KASH5: variants seen among roughly 807,000 people sequenced by gnomAD.
KASH5 encodes the protein protein KASH5.
A neutral mutation model predicts 84.2 loss-of-function variants in KASH5; 72 were observed. That is an observed-to-expected ratio of 0.85 (90% CI 0.71 to 1.04). The LOEUF (loss-of-function observed/expected upper bound fraction) is 1.04, where lower values mean the gene tolerates loss of function less well. KASH5 is among the 50% of genes least tolerant of loss of function. The pLI, the probability that KASH5 is intolerant of heterozygous loss-of-function variation, is 0.00. For synonymous variants in KASH5, 260 were observed against 279.1 expected (o/e 0.93, Z 0.68); for missense variants, 650 against 701.0 (o/e 0.93, Z 0.82).
Position 49,407,551 on chromosome 19 carries a change from C to A in KASH5, c.934-61C>A, listed in dbSNP as rs534983676. On this transcript the variant is annotated intron_variant, in intron 11 of 19. Coordinates refer to ENST00000447857, the MANE Select transcript of KASH5 (RefSeq NM_144688.5). ...ACCCCCCAGCCAGTCCCCCCGCCACCACCACCCCCAGTGTCTTTGGGGAAC... is the reference window on the plus strand; with the variant it reads ...ACCCCCCAGCCAGTCCCCCCGCCACAACCACCCCCAGTGTCTTTGGGGAAC... The A allele has an allele frequency of 3.0e-5, 46 of 1,524,180 alleles. 1 individual carries two copies. The African/African-American group carries it at 4.3e-4, about 14-fold the overall frequency. 94.4% of individuals were successfully genotyped at this position (1,524,180 alleles called of 1,614,324 possible).
Position 49,412,951 on chromosome 19 carries a change from C to T in KASH5, c.1270-17C>T. 2 of 1,613,480 alleles carry T rather than the reference C, an allele frequency of 1.2e-6. No homozygotes were observed. Among genetic ancestry groups the T allele is most frequent in the Non-Finnish European group, 1.7e-6 (2 of 1,179,612 alleles). The stretch of plus-strand genomic sequence containing the variant: ...GTGAGAAGAATCAGAGAAGAACTAA[C>T]CTTTTTGTTTCCACAGAGAAACTTC... On this transcript the variant is annotated splice_polypyrimidine_tract_variant and intron_variant, in intron 15 of 19. Transcript: ENST00000447857. This position sits in a 1 kb window ranked among gnomAD's most constrained non-coding sequence, Gnocchi z 4.6.
Position 49,398,154 on chromosome 19 carries a change from T to G in KASH5, c.629+11T>G. 1 of 1,559,744 alleles carries G rather than the reference T, an allele frequency of 6.4e-7. No individual in the cohort carries two copies. ...TAAGCAGCTTCACAGGTGGGCTGGA[T>G]GCCACACCCACCCTCCCCAGCGCCC... On this transcript the variant is annotated intron_variant, in intron 7 of 19. Transcript: ENST00000447857.
intron 15 of KASH5, 149 bp downstream of exon 15, chr19:49,410,024 C>T (rs569476343): frequency 9.6e-7 from 1 of 1,040,480 alleles, no homozygotes; most frequent in African/African-American, 1.6e-5. Flanking sequence ...TGCTGGACAC[C>T]CAGCCACAAG....
intron 16 of KASH5, 115 bp downstream of exon 16, chr19:49,413,141 C>T (rs1974779018): frequency 9.5e-7 from 1 of 1,050,540 alleles, no homozygotes; most frequent in Admixed American, 2.1e-5. Context: ...ACTCCTTCTT[C>T]ATGTCTTCCG....
chr19:49,397,625 A>G lies in KASH5; in HGVS notation c.401-26A>G, dbSNP rs185923177. 1,381 of 1,612,768 alleles carry G rather than the reference A, an allele frequency of 8.6e-4. 20 individuals are homozygous for G. The highest frequency in any genetic ancestry group is 6.0e-4 in the Admixed American group (36 of 59,998). The stretch of plus-strand genomic sequence containing the variant: ...ACGTTTAAGGGTTCCAGGGAAGCCA[A>G]CATTCTCTTGGCTCTCTCCCTCCAG... On this transcript the variant is annotated intron_variant, in intron 5 of 19. Transcript: ENST00000447857.
At position 49,409,741 on chromosome 19, in the gene KASH5, C is replaced by A. The variant is rs371239256; in HGVS notation, c.1147-12C>A. 1 of 1,613,866 alleles carries A rather than the reference C, an allele frequency of 6.2e-7. No homozygotes were observed. The highest frequency in any genetic ancestry group is 1.1e-5 in the South Asian group (1 of 91,080). ...TGGCTCTCCCTGACCTCGGAAACAACTTCTGTCCCAGAAACAGGAAGTGGC... is the reference window on the plus strand; with the variant it reads ...TGGCTCTCCCTGACCTCGGAAACAAATTCTGTCCCAGAAACAGGAAGTGGC... On this transcript the variant is annotated splice_polypyrimidine_tract_variant and intron_variant, in intron 14 of 19. Transcript: ENST00000447857.
At chr19:49,392,180 AG>A in intron 2 of KASH5, among the ~76,000 whole-genome samples, 3 of 152,290 alleles carry the variant, frequency 2.0e-5, no homozygotes, top group Admixed American at 2.0e-4. Flanking sequence ...AGGAAGGCAA[AG>A]GGAAAAAGAA....
At chr19:49,405,026 C>T (rs1174302582) in intron 9 of KASH5, among the ~76,000 whole-genome samples, 1 of 152,080 alleles carries the variant, frequency 6.6e-6, no homozygotes, top group African/African-American at 2.4e-5. Context: ...CTGAAGAGTA[C>T]CAGGGTCGGG....
At chr19:49,409,103 C>T in intron 13 of KASH5, 72 bp downstream of exon 13, 3 of 1,583,454 alleles carry the variant, frequency 1.9e-6, no homozygotes, top group Non-Finnish European at 2.6e-6. Flanking sequence ...GGCCTCCAGC[C>T]CCAAGGTGGG....
intron 11 of KASH5, 26 bp downstream of exon 11, chr19:49,407,322 A>C (rs1382650928): frequency 6.2e-7 from 1 of 1,611,712 alleles, no homozygotes; most frequent in Non-Finnish European, 8.5e-7. Flanking sequence ...AGGGAAAGAG[A>C]TTCGCTTTCC....
Position 49,416,897 on chromosome 19 carries a change from C to G in KASH5, c.1375-118C>G. The G allele has an allele frequency of 9.9e-7, 1 of 1,010,530 alleles. No individual in the cohort carries two copies. 62.6% of individuals were successfully genotyped at this position (1,010,530 alleles called of 1,614,324 possible). On this transcript the variant is annotated intron_variant, in intron 17 of 19. Coordinates refer to ENST00000447857, the MANE Select transcript of KASH5 (RefSeq NM_144688.5). The surrounding 1 kb of genome is among the most constrained non-coding windows in gnomAD (Gnocchi z 5.4). ...AACCCGACCTGGCAGCAGAAGTGCA[C>G]TCACTTATCTCCTGAGCTCCACCAC...
At position 49,399,335 on chromosome 19, in the gene KASH5, C is replaced by T; in HGVS notation, c.748-122C>T. ...TCATGACAAAGGAGACAGCAGGAGCCATCAGGGCTTCCCAGACCCATTCCC... is the reference window on the plus strand; with the variant it reads ...TCATGACAAAGGAGACAGCAGGAGCTATCAGGGCTTCCCAGACCCATTCCC... On this transcript the variant is annotated intron_variant, in intron 8 of 19. Coordinates refer to ENST00000447857, the MANE Select transcript of KASH5 (RefSeq NM_144688.5). The surrounding 1 kb of genome is among the most constrained non-coding windows in gnomAD (Gnocchi z 4.4). 1.9e-6 allele frequency: 2 copies of T among 1,047,622 alleles called. No homozygotes were observed. Among genetic ancestry groups the T allele is most frequent in the South Asian group, 3.0e-5 (2 of 66,872 alleles). 64.9% of individuals were successfully genotyped at this position (1,047,622 alleles called of 1,614,324 possible).
At chr19:49,402,086 A>T (rs140286835) in intron 9 of KASH5, among the ~76,000 whole-genome samples, 60 of 151,912 alleles carry the variant, frequency 3.9e-4, no homozygotes, top group African/African-American at 1.4e-3. Context: ...TACTAAAAAT[A>T]AAAAAATCAG....
intron 9 of KASH5, among the ~76,000 whole-genome samples, chr19:49,405,432 G>C (rs527861220): frequency 9.8e-4 from 146 of 149,098 alleles, no homozygotes; most frequent in African/African-American, 3.5e-3. Flanking sequence ...ACTCCAGCCT[G>C]GGCAACAAGA....
At position 49,414,096 on chromosome 19, in the gene KASH5, G is replaced by T. The variant is rs527300003; in HGVS notation, c.1329-855G>T. Among the ~76,000 whole-genome samples, 18 of 152,118 alleles carry T rather than the reference G, an allele frequency of 1.2e-4. No individual in the cohort carries two copies. The highest frequency in any genetic ancestry group is 4.3e-4 in the African/African-American group (18 of 41,498). On this transcript the variant is annotated intron_variant, in intron 16 of 19. Transcript: ENST00000447857. This position sits in a 1 kb window ranked among gnomAD's most constrained non-coding sequence, Gnocchi z 4.5. Reference sequence around the variant, plus strand: ...CTGAGTCCCCAAAGCAGCATTTCAGGGACTCAGATGGCTGTGACCCTAGGA... The same window carrying T: ...CTGAGTCCCCAAAGCAGCATTTCAGTGACTCAGATGGCTGTGACCCTAGGA...
At chr19:49,396,242 A>ATTTTTTTGTTT (rs1568611428) in intron 5 of KASH5, among the ~76,000 whole-genome samples, 2 of 122,904 alleles carry the variant, frequency 1.6e-5, no homozygotes, top group African/African-American at 3.2e-5. Flanking sequence ...ACCCTGCTGG[A>ATTTTTTTGTTT]CTTTTTTTTT....
At position 49,406,977 on chromosome 19, in the gene KASH5, C is replaced by CT; in HGVS notation, c.876+15dup. 6.4e-7 allele frequency: 1 copy of CT among 1,573,596 alleles called. No homozygotes were observed. The highest frequency in any genetic ancestry group is 1.2e-5 in the South Asian group (1 of 85,598). ...GACACTTTGAAGGTGCCACTCCTTC[C>CT]TAGTGCCTGACAACTTTCCACCACC... On this transcript the variant is annotated intron_variant, in intron 10 of 19. Transcript: ENST00000447857.
Position 49,395,075 on chromosome 19 carries a change from C to T in KASH5, c.149-31C>T. ...CCATACCCATCACTCCCCACCTGCC[C>T]CAGACCCCCTCACTGCATGCTCTGT... On this transcript the variant is annotated intron_variant, in intron 3 of 19. Transcript: ENST00000447857. The surrounding 1 kb of genome is among the most constrained non-coding windows in gnomAD (Gnocchi z 4.4). 1 of 1,566,652 alleles carries T rather than the reference C, an allele frequency of 6.4e-7. No homozygotes were observed. Among genetic ancestry groups the T allele is most frequent in the African/African-American group, 1.4e-5 (1 of 73,510 alleles).
rs549865302 is a variant in KASH5, at chr19:49,399,407, G to A, written c.748-50G>A. ...AGGGGTGGGAGAAGGGCAACATGGGGGCAAGGAGGCTAGAAATGAAACCTT... is the reference window on the plus strand; with the variant it reads ...AGGGGTGGGAGAAGGGCAACATGGGAGCAAGGAGGCTAGAAATGAAACCTT... On this transcript the variant is annotated intron_variant, in intron 8 of 19. Transcript: ENST00000447857. The surrounding 1 kb of genome is among the most constrained non-coding windows in gnomAD (Gnocchi z 4.4). The A allele has an allele frequency of 1.9e-6, 3 of 1,560,522 alleles. No individual in the cohort carries two copies. The highest frequency in any genetic ancestry group is 1.7e-6 in the Non-Finnish European group (2 of 1,143,084).
Sources: allele counts gnomAD v4.1 joint callset (sites outside exome capture counted in the v4.1 genomes callset), GRCh38; gene constraint gnomAD v4.1.1; non-coding constraint Gnocchi (gnomAD v3.1); transcripts MANE v1.5; gene names NCBI Gene and HGNC (gene_info 2026-07-23, HGNC 2026-07-21).